The following MACF1 variants were observed in gnomAD, a reference collection of about 807,000 sequenced individuals.
MACF1 encodes microtubule actin crosslinking factor 1.
MACF1 carries 193 observed loss-of-function variants against 854.8 expected under a neutral mutation model. The observed-to-expected ratio is 0.23, with a 90% CI of 0.20 to 0.25. MACF1 has a LOEUF of 0.25. Among genes scored for constraint, MACF1 ranks in the 10% least tolerant of loss-of-function variants. The pLI, the probability that MACF1 is intolerant of heterozygous loss-of-function variation, is 1.00. For synonymous variants in MACF1, 3,185 were observed against 3,226.7 expected (o/e 0.99, Z 0.44); for missense variants, 7,722 against 8,929.1 (o/e 0.86, Z 5.45).
At chr1:39,172,510 G>T (rs1643965272) in intron 2 of MACF1, among the ~76,000 whole-genome samples, 1 of 152,112 alleles carries the variant, frequency 6.6e-6, no homozygotes, top group South Asian at 2.1e-4. Flanking sequence ...GGATCCAGAG[G>T]TCAGAGCCAT....
chr1:39,341,665 T>TC (rs924330517), intron 40 of MACF1, among the ~76,000 whole-genome samples: 15 of 151,722 alleles, frequency 9.9e-5, no homozygotes, highest in Admixed American at 5.3e-4. Flanking sequence ...GCCATTGCAC[T>TC]CCAGCTTGGG....
intron 56 of MACF1, among the ~76,000 whole-genome samples, chr1:39,385,093 G>T (rs562160663): frequency 6.6e-6 from 1 of 152,144 alleles, no homozygotes; most frequent in South Asian, 2.1e-4. Context: ...TTGGAGACAA[G>T]GTCTCACTCT....
intron 2 of MACF1, among the ~76,000 whole-genome samples, chr1:39,147,534 T>A (rs1448608938): frequency 6.6e-6 from 1 of 151,466 alleles, no homozygotes; most frequent in African/African-American, 2.4e-5. Context: ...TCCTTCTTTC[T>A]TCTTCAACAG....
intron 61 of MACF1, among the ~76,000 whole-genome samples, chr1:39,425,025 GA>G (rs1643679702): frequency 1.3e-5 from 2 of 152,114 alleles, no homozygotes; most frequent in Non-Finnish European, 2.9e-5. Flanking sequence ...AAACAAAATG[GA>G]AAGAATTTAA....
rs754929711 is a variant in MACF1, at chr1:39,385,563, A to C, written c.13978A>C (p.Ile4660Leu). ...TSQVQKELQSINQKWVELTDK... is the reference protein window; with the variant it reads ...TSQVQKELQSLNQKWVELTDK... The stretch of plus-strand genomic sequence containing the variant: ...CCAAGTACAGAAAGAACTCCAGAGC[A>C]TCAATCAGAAATGGGTTGAGCTGAC... Residue 4660 changes from isoleucine to leucine, a missense_variant, in exon 57 of 101, where the codon ATC (isoleucine) becomes CTC (leucine). Around this residue, in one of 15 missense-constraint regions of MACF1, gnomAD observed 2,807 missense variants for 3,235.8 expected, o/e 0.87. Coordinates refer to ENST00000564288, the MANE Select transcript of MACF1 (RefSeq NM_001394062.1). 3 of 1,614,082 alleles carry C rather than the reference A, an allele frequency of 1.9e-6. No individual in the cohort carries two copies. The African/African-American group carries it at 4.0e-5, about 22-fold the overall frequency.
At chr1:39,427,429 G>C in intron 61 of MACF1, 26 bp from the exon 62 acceptor site, 1 of 1,604,970 alleles carries the variant, frequency 6.2e-7, no homozygotes, top group Non-Finnish European at 8.5e-7. Context: ...TTCTTCCTGA[G>C]CAGCTTGTTC....
chr1:39,415,360 C>T (rs1310456252), intron 58 of MACF1, among the ~76,000 whole-genome samples: 2 of 150,782 alleles, frequency 1.3e-5, no homozygotes, highest in African/African-American at 4.9e-5. Context: ...TGGAGTCTGG[C>T]TCTGTCAGTC....
In MACF1 at chr1:39,231,163, C is replaced by G; in HGVS notation, c.110-19C>G. The G allele has an allele frequency of 6.2e-7, 1 of 1,612,882 alleles. No homozygotes were observed. Among genetic ancestry groups the G allele is most frequent in the Non-Finnish European group, 8.5e-7 (1 of 1,178,824 alleles). ...CTGGGTAGCACTAAGCCAGTGCCTT[C>G]TCTGTGTTTCCTTTACAGATGAACG... On this transcript the variant is annotated intron_variant, in intron 1 of 100. Transcript: ENST00000564288.
At chr1:39,171,074 A>G (rs1430074462) in intron 2 of MACF1, among the ~76,000 whole-genome samples, 2 of 151,800 alleles carry the variant, frequency 1.3e-5, no homozygotes, top group Non-Finnish European at 1.5e-5. Context: ...TGACATTTTT[A>G]TTTTCCTTTC....
At position 39,427,570 on chromosome 1, in the gene MACF1, G is replaced by A. The variant is rs1464400716; in HGVS notation, c.16432G>A (p.Gly5478Ser). 6.2e-7 allele frequency: 1 copy of A among 1,614,062 alleles called. No individual in the cohort carries two copies. Among genetic ancestry groups the A allele is most frequent in the Non-Finnish European group, 8.5e-7 (1 of 1,179,988 alleles). Residue 5478 changes from glycine (G) to serine (S), a missense_variant, in exon 62 of 101, where the codon GGC becomes AGC. Coordinates refer to ENST00000564288, the MANE Select transcript of MACF1 (RefSeq NM_001394062.1). ...AAAGCTTGCTAACTCAGAACCTGTT[G>A]GCACTCAGACTGCCAAAATACAGCA... ...EKKLANSEPV[G>S]TQTAKIQQQI...
chr1:39,441,628 A>G (rs190444884), intron 74 of MACF1, among the ~76,000 whole-genome samples: 1 of 152,358 alleles, frequency 6.6e-6, no homozygotes, highest in Non-Finnish European at 1.5e-5. Flanking sequence ...AACCCAGGTT[A>G]TCTTCAAGCA....
At chr1:39,115,005 G>C (rs1179405279) in intron 2 of MACF1, among the ~76,000 whole-genome samples, 1 of 152,158 alleles carries the variant, frequency 6.6e-6, no homozygotes, top group East Asian at 1.9e-4. Flanking sequence ...GATAAGGTTG[G>C]AGCATAGGAT....
intron 2 of MACF1, among the ~76,000 whole-genome samples, chr1:39,177,543 G>A (rs1644046856): frequency 6.6e-6 from 1 of 152,176 alleles, no homozygotes; most frequent in Admixed American, 6.5e-5. Flanking sequence ...GAGGGGTCCA[G>A]GAGCCACTCC....
intron 16 of MACF1, 98 bp from the exon 17 acceptor site, chr1:39,292,668 A>C (rs1019674781): frequency 1.2e-6 from 1 of 830,298 alleles, no homozygotes; most frequent in Non-Finnish European, 1.8e-6. Flanking sequence ...ACCAATCCAT[A>C]TCTCTATCTA....
chr1:39,156,028 C>G (rs531186480), intron 2 of MACF1, among the ~76,000 whole-genome samples: 2 of 152,202 alleles, frequency 1.3e-5, no homozygotes, highest in Non-Finnish European at 2.9e-5. Flanking sequence ...TCTGGGACTA[C>G]AGGCGCCCGC....
In MACF1 at chr1:39,248,236, C is replaced by G. The variant is rs17503527; in HGVS notation, c.172-1778C>G. ...GCTAATCCTCCAAGTCCCGTTTCTT[C>G]GAGGAAGTCTTTACGTATGTTTCCA... On this transcript the variant is annotated intron_variant, in intron 2 of 100. Coordinates refer to ENST00000564288, the MANE Select transcript of MACF1 (RefSeq NM_001394062.1). 8.7e-3 allele frequency among the ~76,000 whole-genome samples: 1,327 copies of G among 152,226 alleles called. 12 individuals carry two copies. The highest frequency in any genetic ancestry group is 0.031 in the Middle Eastern group (9 of 292).
chr1:39,393,559 A>G (rs969477851), intron 58 of MACF1, among the ~76,000 whole-genome samples: 1 of 152,094 alleles, frequency 6.6e-6, no homozygotes, highest in Non-Finnish European at 1.5e-5. Flanking sequence ...CTATAATCAT[A>G]GCATTCTGGG....
chr1:39,461,576 G>C (rs951484025), intron 92 of MACF1, among the ~76,000 whole-genome samples: 3 of 151,904 alleles, frequency 2.0e-5, no homozygotes, highest in Non-Finnish European at 4.4e-5. Context: ...ATCACTTGAG[G>C]CCAGGAGTTC....
At chr1:39,380,428 G>C in intron 55 of MACF1, 55 bp downstream of exon 55, 1 of 1,543,068 alleles carries the variant, frequency 6.5e-7, no homozygotes, top group South Asian at 1.2e-5. Flanking sequence ...TTCAAAGCAA[G>C]TAGAGAATTT....
Sources: gnomAD v4.1 joint callset for allele counts (sites outside exome capture counted in the v4.1 genomes callset) on GRCh38, gnomAD v4.1.1 for gene constraint, gnomAD v4.1.1 regional missense constraint, MANE v1.5 for transcripts, NCBI Gene and HGNC (gene_info 2026-07-23, HGNC 2026-07-21) for gene names.